The following INPP5D variants were observed in gnomAD, a reference collection of about 807,000 sequenced individuals.
INPP5D encodes the protein phosphatidylinositol 3,4,5-trisphosphate 5-phosphatase 1.
A neutral mutation model predicts 122.9 loss-of-function variants in INPP5D; 33 were observed. The ratio of observed to expected loss-of-function variants is 0.27; its 90% CI spans 0.20 to 0.36. The LOEUF is 0.36. INPP5D is among the 10% of genes least tolerant of loss of function. The pLI, the probability that INPP5D is intolerant of heterozygous loss-of-function variation, is 1.00. For synonymous variants in INPP5D, 584 were observed against 576.2 expected (o/e 1.01, Z -0.19); for missense variants, 1,053 against 1,412.7 (o/e 0.75, Z 4.08).
intron 5 of INPP5D, among the ~76,000 whole-genome samples, chr2:233,135,344 C>T (rs1693440340): frequency 6.6e-6 from 1 of 152,050 alleles, no homozygotes. Context: ...TACAGGCATG[C>T]ACCACCATGC....
intron 9 of INPP5D, among the ~76,000 whole-genome samples, chr2:233,156,086 G>C: frequency 6.6e-6 from 1 of 152,220 alleles, no homozygotes; most frequent in Non-Finnish European, 1.5e-5. Context: ...AACCAGGCAC[G>C]AGCTTCTAAG....
At chr2:233,159,016 A>G (rs150943557) in intron 10 of INPP5D, among the ~76,000 whole-genome samples, 65,827 of 151,900 alleles carry the variant, frequency 0.43, 14,649 homozygotes, top group East Asian at 0.64. Flanking sequence ...TCCTGGGCTC[A>G]GGCAATCTTC....
chr2:233,080,793 G>C (rs762827976), intron 2 of INPP5D, among the ~76,000 whole-genome samples: 2 of 152,214 alleles, frequency 1.3e-5, no homozygotes, highest in African/African-American at 2.4e-5. Flanking sequence ...TGTCAAGAGG[G>C]AGAGCGTGGT....
chr2:233,195,374 C>A, intron 23 of INPP5D, 25 bp from the exon 24 acceptor site: 1 of 1,613,682 alleles, frequency 6.2e-7, no homozygotes, highest in Non-Finnish European at 8.5e-7. Context: ...CCCTCACATG[C>A]TCTTTCCCGT....
rs533666566 is a variant in INPP5D, at chr2:233,183,642, T to C, written c.2162-766T>C. Among the ~76,000 whole-genome samples the C allele has an allele frequency of 6.6e-6, 1 of 152,312 alleles. No homozygotes were observed. Among genetic ancestry groups the C allele is most frequent in the East Asian group, 1.9e-4 (1 of 5,176 alleles). On this transcript the variant is annotated intron_variant, in intron 19 of 26. Transcript: ENST00000445964. This position sits in a 1 kb window ranked among gnomAD's most constrained non-coding sequence, Gnocchi z 4.6. Reference sequence around the variant, plus strand: ...TCCTCCATGTCAGGCTGGGCTTCCCTCCACGGGGGATCAGTACACAGCAGA... The same window carrying C: ...TCCTCCATGTCAGGCTGGGCTTCCCCCCACGGGGGATCAGTACACAGCAGA...
At chr2:233,137,985 G>GTATTAATAATGTAATGAGATTA (rs1693537358) in intron 5 of INPP5D, among the ~76,000 whole-genome samples, 1 of 111,194 alleles carries the variant, frequency 9.0e-6, no homozygotes, top group Non-Finnish European at 1.8e-5. Context: ...AGATTATATT[G>GTATTAATAATGTAATGAGATTA]TATTAATAAT....
chr2:233,187,979 C>A lies in INPP5D; in HGVS notation c.2359-1871C>A, dbSNP rs117684491. 3.4e-3 allele frequency among the ~76,000 whole-genome samples: 513 copies of A among 152,178 alleles called. 8 individuals are homozygous for A. The East Asian group carries it at 0.059, about 17-fold the overall frequency. On this transcript the variant is annotated intron_variant, in intron 21 of 26. Coordinates refer to ENST00000445964, the MANE Select transcript of INPP5D (RefSeq NM_001017915.3). Reference sequence around the variant, plus strand: ...CCTGTCTTCCTCCATTCCCCACATCCTCACAGCCGCCAAGTCCTGCTGTTC... The same window carrying A: ...CCTGTCTTCCTCCATTCCCCACATCATCACAGCCGCCAAGTCCTGCTGTTC...
At position 233,068,065 on chromosome 2, in the gene INPP5D, C is replaced by T. The variant is rs191432227; in HGVS notation, c.134+7453C>T. ...CTTTGGGAGGCCGAGGTGGGTGGAT[C>T]ACCTGAGGTCGGGAGTTCAAGACCA... On this transcript the variant is annotated intron_variant, in intron 1 of 26. Transcript: ENST00000445964. Among the ~76,000 whole-genome samples, 745 of 152,072 alleles carry T rather than the reference C, an allele frequency of 4.9e-3. 2 individuals are homozygous for T. The highest frequency in any genetic ancestry group is 0.027 in the Middle Eastern group (8 of 292).
intron 1 of INPP5D, among the ~76,000 whole-genome samples, 197 bp from the exon 2 acceptor site, chr2:233,079,138 G>T (rs1011423678): frequency 9.9e-5 from 15 of 152,120 alleles, no homozygotes; most frequent in African/African-American, 3.4e-4. Flanking sequence ...TGCAGAAGCA[G>T]TGGGGGAATA....
At chr2:233,079,177 G>A (rs867537712) in intron 1 of INPP5D, among the ~76,000 whole-genome samples, 158 bp from the exon 2 acceptor site, 4 of 152,152 alleles carry the variant, frequency 2.6e-5, no homozygotes, top group Non-Finnish European at 5.9e-5. Flanking sequence ...ATTGCTGGAC[G>A]TCAGGACTCA....
chr2:233,182,295 C>T (rs1162619039), intron 18 of INPP5D, 115 bp from the exon 19 acceptor site: 85 of 1,460,450 alleles, frequency 5.8e-5, no homozygotes, highest in South Asian at 1.1e-4. Context: ...TGCAAAACTT[C>T]GCACTTCTGG....
rs370428521 is a variant in INPP5D, at chr2:233,169,994, C to T, written c.1653-32C>T. ...ACAGTGGAGGGGGAACCAGTGACCC[C>T]GTGCTAGATGGCCGCTTTTTCCTTG... On this transcript the variant is annotated intron_variant, in intron 14 of 26. Coordinates refer to ENST00000445964, the MANE Select transcript of INPP5D (RefSeq NM_001017915.3). 635 of 1,613,564 alleles carry T rather than the reference C, an allele frequency of 3.9e-4. 1 individual carries two copies. Among genetic ancestry groups the T allele is most frequent in the Non-Finnish European group, 5.0e-4 (593 of 1,179,570 alleles).
chr2:233,150,039 G>A (rs1325987931), intron 9 of INPP5D, among the ~76,000 whole-genome samples: 5 of 152,174 alleles, frequency 3.3e-5, no homozygotes, highest in African/African-American at 9.7e-5. Context: ...GTGTATAGTG[G>A]CAAGTTGGGC....
chr2:233,174,880 C>T (rs1420415198), intron 17 of INPP5D, among the ~76,000 whole-genome samples: 3 of 151,660 alleles, frequency 2.0e-5, no homozygotes, highest in Non-Finnish European at 4.4e-5. Context: ...TCAGTAATTC[C>T]GCTTTGGTGT....
chr2:233,142,986 A>G (rs1213195805), intron 6 of INPP5D, among the ~76,000 whole-genome samples: 1 of 152,154 alleles, frequency 6.6e-6, no homozygotes, highest in Non-Finnish European at 1.5e-5. Context: ...AGACATTGCC[A>G]AATGTCCCCT....
chr2:233,153,273 GAA>G (rs1257505105), intron 9 of INPP5D, among the ~76,000 whole-genome samples: 1 of 152,204 alleles, frequency 6.6e-6, no homozygotes, highest in Non-Finnish European at 1.5e-5. Context: ...TAGCAGACTG[GAA>G]AAGTCTCAGC....
chr2:233,162,772 G>T (rs1694229680), intron 11 of INPP5D, among the ~76,000 whole-genome samples: 1 of 152,202 alleles, frequency 6.6e-6, no homozygotes, highest in Non-Finnish European at 1.5e-5. Context: ...TGTCACTCGT[G>T]TCCCAGGGCC....
intron 2 of INPP5D, among the ~76,000 whole-genome samples, chr2:233,108,102 G>A (rs76710478): frequency 3.9e-5 from 6 of 152,002 alleles, no homozygotes; most frequent in African/African-American, 7.3e-5. Context: ...GGAGGTAGAC[G>A]CCCCAAATGC....
chr2:233,125,749 A>G lies in INPP5D; in HGVS notation c.354A>G (p.Glu118=). 6.2e-7 allele frequency: 1 copy of G among 1,612,568 alleles called. No individual in the cohort carries two copies. Among genetic ancestry groups the G allele is most frequent in the Non-Finnish European group, 8.5e-7 (1 of 1,179,162 alleles). The change falls in exon 4 of 27, where the codon GAA becomes GAG. Residue 118 remains glutamate (E), a synonymous_variant. Coordinates refer to ENST00000445964, the MANE Select transcript of INPP5D (RefSeq NM_001017915.3). ...CCTTCCTGCTGTTCTCTCCAGTAGAAAGTGTCGTGTCTCCACCCGAGCTGC... is the reference window on the plus strand; with the variant it reads ...CCTTCCTGCTGTTCTCTCCAGTAGAGAGTGTCGTGTCTCCACCCGAGCTGC... ...TGDDPEEDTV[E]SVVSPPELPP...
Sources: allele counts gnomAD v4.1 joint callset (sites outside exome capture counted in the v4.1 genomes callset), GRCh38; gene constraint gnomAD v4.1.1; non-coding constraint Gnocchi (gnomAD v3.1); transcripts MANE v1.5; gene names NCBI Gene and HGNC (gene_info 2026-07-23, HGNC 2026-07-21).